CA2: variants seen among roughly 807,000 people sequenced by gnomAD.
CA2 encodes carbonic anhydrase 2.
In CA2, 23 loss-of-function variants were observed where a neutral mutation model predicts 27.8. The observed-to-expected ratio is 0.83, with a 90% CI of 0.59 to 1.17. The LOEUF (loss-of-function observed/expected upper bound fraction) is 1.17, where lower values mean the gene tolerates loss of function less well. Among genes scored for constraint, CA2 ranks in the 50% most tolerant of loss-of-function variants. CA2 has a pLI of 0.00. For missense variants in CA2, 300 were observed against 314.7 expected, an observed-to-expected ratio of 0.95 and a Z score of 0.35; for synonymous variants, 99 against 114.9, an observed-to-expected ratio of 0.86 and a Z score of 0.88.
rs370125677 is a variant in CA2 at position 85,466,730 on chromosome 8, G to T, written c.232+1261G>T. On this transcript the variant is annotated intron_variant, in intron 2 of 6. Coordinates refer to ENST00000285379, the MANE Select transcript of CA2 (RefSeq NM_000067.3). ...CTTACAATCATACTCACACTTTCTG[G>T]CATAGTATGATGATTTATTAGAATC... Among the ~76,000 whole-genome samples, 27 of 151,696 alleles carry T rather than the reference G, an allele frequency of 1.8e-4. No individual in the cohort carries two copies. In the South Asian group the frequency reaches 3.5e-3, roughly 20 times the overall value.
At position 85,464,130 on chromosome 8, in the gene CA2, C is replaced by T. The variant is rs1403284436; in HGVS notation, c.34+15C>T. On this transcript the variant is annotated intron_variant, in intron 1 of 6. Coordinates refer to ENST00000285379, the MANE Select transcript of CA2 (RefSeq NM_000067.3). ...CAAACACAACGGTGAGTGCCGGCGA[C>T]GGCCAGCGCGGGGGCGCCCCGATCC... 4 of 1,535,812 alleles carry T rather than the reference C, an allele frequency of 2.6e-6. No homozygotes were observed. The highest frequency in any genetic ancestry group is 1.4e-5 in the African/African-American group (1 of 71,214).
chr8:85,480,446 T>TG (rs368455245), intron 6 of CA2, among the ~76,000 whole-genome samples: 376 of 22,006 alleles, frequency 0.017, no homozygotes, highest in African/African-American at 0.034. Flanking sequence ...TGTGTGTGTG[T>TG]TTTTTTTTTT....
chr8:85,471,495 G>C (rs1586013867), intron 2 of CA2, among the ~76,000 whole-genome samples: 1 of 151,932 alleles, frequency 6.6e-6, no homozygotes, highest in Non-Finnish European at 1.5e-5. Context: ...GAAACTTTAA[G>C]ATTTGTTAGA....
At chr8:85,473,648 GATAC>G (rs756925635) in intron 2 of CA2, 41 bp from the exon 3 acceptor site, 13 of 894,180 alleles carry the variant, frequency 1.5e-5, no homozygotes, top group Non-Finnish European at 2.1e-5. Context: ...TGTGTATGCA[GATAC>G]ATACATATAT....
chr8:85,480,448 T>G lies in CA2; in HGVS notation c.664-222T>G, dbSNP rs1392867490. Among the ~76,000 whole-genome samples the G allele has an allele frequency of 6.0e-5, 9 of 150,934 alleles. No individual in the cohort carries two copies. The South Asian group carries it at 1.7e-3, about 28-fold the overall frequency. ...ATTTTTGTGTGTGTGTGTGTGTGTT[T>G]TTTTTTTTGTAGAGACAGGGTTTCA... On this transcript the variant is annotated intron_variant, in intron 6 of 6. Coordinates refer to ENST00000285379, the MANE Select transcript of CA2 (RefSeq NM_000067.3).
At chr8:85,475,423 C>T (rs1475931524) in intron 4 of CA2, among the ~76,000 whole-genome samples, 4 of 137,888 alleles carry the variant, frequency 2.9e-5, no homozygotes, top group African/African-American at 1.1e-4. Context: ...ATTTGGGTTG[C>T]TGGAAGGCGT....
Position 85,480,727 on chromosome 8 carries a change from G to C in CA2, c.721G>C (p.Val241Leu). 3 of 1,613,886 alleles carry C rather than the reference G, an allele frequency of 1.9e-6. No homozygotes were observed. Among genetic ancestry groups the C allele is most frequent in the Non-Finnish European group, 2.5e-6 (3 of 1,179,850 alleles). The change falls in exon 7 of 7, where the codon GTG (valine) becomes CTG (leucine). Residue 241 changes from valine to leucine, a missense_variant. Transcript: ENST00000285379. The stretch of plus-strand genomic sequence containing the variant: ...GGAGGGTGAACCCGAAGAACTGATG[G>C]TGGACAACTGGCGCCCAGCTCAGCC... ...NGEGEPEELMVDNWRPAQPLK... is the reference protein window; with the variant it reads ...NGEGEPEELMLDNWRPAQPLK...
chr8:85,467,115 T>G lies in CA2; in HGVS notation c.232+1646T>G, dbSNP rs370291811. On this transcript the variant is annotated intron_variant, in intron 2 of 6. Transcript: ENST00000285379. ...TAGAAATTGGATAGTTTAAGTCTTT[T>G]TTGGAGCACTGAAGAAACAAATCTC... Among the ~76,000 whole-genome samples, 65 of 152,322 alleles carry G rather than the reference T, an allele frequency of 4.3e-4. 2 individuals carry two copies. Among genetic ancestry groups the G allele is most frequent in the African/African-American group, 1.5e-3 (63 of 41,568 alleles).
At chr8:85,464,327 G>T (rs1172530525) in intron 1 of CA2, 1 of 473,306 alleles carries the variant, frequency 2.1e-6, no homozygotes, top group Non-Finnish European at 3.7e-6. Flanking sequence ...CCAGCTGCGA[G>T]GCCACTGTGG....
At chr8:85,467,103 G>C (rs1564077710) in intron 2 of CA2, among the ~76,000 whole-genome samples, 1 of 152,176 alleles carries the variant, frequency 6.6e-6, no homozygotes, top group Non-Finnish European at 1.5e-5. Context: ...AAATTGGATA[G>C]TTTAAGTCTT....
rs369148013 is a variant in CA2 at position 85,477,042 on chromosome 8, T to C, written c.508-78T>C. ...TGACCATCAGAGGGGAGTATACCTATTTGTGTCTGCTGCTCTCCTACCTTC... is the reference window on the plus strand; with the variant it reads ...TGACCATCAGAGGGGAGTATACCTACTTGTGTCTGCTGCTCTCCTACCTTC... On this transcript the variant is annotated intron_variant, in intron 5 of 6. Coordinates refer to ENST00000285379, the MANE Select transcript of CA2 (RefSeq NM_000067.3). 3.3e-4 allele frequency: 463 copies of C among 1,423,110 alleles called. 3 individuals are homozygous for C. The South Asian group carries it at 4.9e-3, about 15-fold the overall frequency. 88.2% of individuals were successfully genotyped at this position (1,423,110 alleles called of 1,614,324 possible). A position where few individuals can be genotyped will look rare whatever the true frequency, so the allele number is the denominator to read the frequency against.
At chr8:85,480,419 T>C (rs1811870150) in intron 6 of CA2, among the ~76,000 whole-genome samples, 1 of 148,056 alleles carries the variant, frequency 6.8e-6, no homozygotes, top group African/African-American at 2.5e-5. Context: ...ACCACGCCTG[T>C]TTAATTTTTG....
At chr8:85,479,640 C>T (rs1317119442) in intron 6 of CA2, among the ~76,000 whole-genome samples, 2 of 151,922 alleles carry the variant, frequency 1.3e-5, no homozygotes, top group Non-Finnish European at 2.9e-5. Context: ...CAGTGGTGGC[C>T]AGTAAACTGA....
intron 2 of CA2, among the ~76,000 whole-genome samples, chr8:85,472,972 C>A (rs1420870040): frequency 1.3e-5 from 2 of 149,936 alleles, no homozygotes; most frequent in Non-Finnish European, 3.0e-5. Context: ...CCAGCCTGGG[C>A]AACAGAGCAA....
chr8:85,466,212 C>G (rs1046918748), intron 2 of CA2, among the ~76,000 whole-genome samples: 6 of 145,576 alleles, frequency 4.1e-5, no homozygotes, highest in Non-Finnish European at 7.5e-5. Context: ...AACAAGAGAA[C>G]AATCCCATTC....
At position 85,481,001 on chromosome 8, in the gene CA2, A is replaced by G. The variant is rs73263450; in HGVS notation, c.*212A>G. 5,307 of 559,042 alleles carry G rather than the reference A, an allele frequency of 9.5e-3. 253 individuals carry two copies. Among genetic ancestry groups the G allele is most frequent in the African/African-American group, 0.09 (4,776 of 52,838 alleles). 34.6% of individuals were successfully genotyped at this position (559,042 alleles called of 1,614,324 possible). A position where few individuals can be genotyped will look rare whatever the true frequency, so the allele number is the denominator to read the frequency against. ...GCTGTGGCTGGTTGGTGCTTTGTTT[A>G]TGGTAGTAGTTTTTCTGTAACACAG... On this transcript the variant is annotated 3_prime_UTR_variant, in exon 7 of 7. Transcript: ENST00000285379.
At chr8:85,472,935 A>G (rs1028727358) in intron 2 of CA2, among the ~76,000 whole-genome samples, 4 of 151,522 alleles carry the variant, frequency 2.6e-5, no homozygotes, top group African/African-American at 9.7e-5. Context: ...CGGAAGTTGC[A>G]GTGAGCCGAG....
chr8:85,481,128 T>C lies in CA2; in HGVS notation c.*339T>C. The C allele has an allele frequency of 3.4e-6, 1 of 291,820 alleles. No individual in the cohort carries two copies. The highest frequency in any genetic ancestry group is 3.8e-5 in the South Asian group (1 of 26,522). 18.1% of individuals were successfully genotyped at this position (291,820 alleles called of 1,614,324 possible). A position where few individuals can be genotyped will look rare whatever the true frequency, so the allele number is the denominator to read the frequency against. The stretch of plus-strand genomic sequence containing the variant: ...TGACTAAAATGCTGCTTTTAAAACA[T>C]AGGAAAGTAGAATGGTTGAGTGCAA... On this transcript the variant is annotated 3_prime_UTR_variant, in exon 7 of 7. Coordinates refer to ENST00000285379, the MANE Select transcript of CA2 (RefSeq NM_000067.3).
intron 2 of CA2, among the ~76,000 whole-genome samples, chr8:85,468,830 TTC>T (rs1238781906): frequency 4.6e-5 from 5 of 109,234 alleles, no homozygotes; most frequent in Non-Finnish European, 9.6e-5. Flanking sequence ...CCTTTAGACT[TTC>T]TTTCTTTTTT....
Sources: gnomAD v4.1 joint callset for allele counts (sites outside exome capture counted in the v4.1 genomes callset) on GRCh38, gnomAD v4.1.1 for gene constraint, MANE v1.5 for transcripts, NCBI Gene and HGNC (gene_info 2026-07-23, HGNC 2026-07-21) for gene names.